CDK14: variants seen among roughly 807,000 people sequenced by gnomAD.
The protein encoded by CDK14 is cyclin dependent kinase 14, also known as cyclin-dependent kinase 14.
A neutral mutation model predicts 60.7 loss-of-function variants in CDK14; 34 were observed. The ratio of observed to expected loss-of-function variants is 0.56; its 90% CI spans 0.43 to 0.75. The LOEUF is 0.75. Among genes scored for constraint, CDK14 ranks in the 30% least tolerant of loss-of-function variants. The probability of loss-of-function intolerance (pLI) is 0.00; values close to 1 mark genes in which losing one functional copy is unlikely to be tolerated. For synonymous variants in CDK14, 197 were observed against 203.7 expected, an observed-to-expected ratio of 0.97 and a Z score of 0.28; for missense variants, 482 against 564.1, an observed-to-expected ratio of 0.85 and a Z score of 1.47.
intron 5 of CDK14, among the ~76,000 whole-genome samples, chr7:90,837,009 C>T (rs1416250739): frequency 6.6e-6 from 1 of 152,292 alleles, no homozygotes; most frequent in Non-Finnish European, 1.5e-5. Context: ...GTTAAGCAGC[C>T]AGTCTCCTTC....
chr7:91,184,279 T>C (rs1286121278), intron 14 of CDK14, among the ~76,000 whole-genome samples: 1 of 139,562 alleles, frequency 7.2e-6, no homozygotes, highest in Non-Finnish European at 1.5e-5. Context: ...AGTGAGATCC[T>C]CTCAAAAAAA....
At chr7:90,772,121 T>C (rs1804808708) in intron 4 of CDK14, among the ~76,000 whole-genome samples, 1 of 152,194 alleles carries the variant, frequency 6.6e-6, no homozygotes, top group Admixed American at 6.5e-5. Context: ...TAACATCTGC[T>C]AGCAGAATTC....
chr7:90,775,329 A>G (rs932155132), intron 4 of CDK14, among the ~76,000 whole-genome samples: 1 of 152,218 alleles, frequency 6.6e-6, no homozygotes, highest in South Asian at 2.1e-4. Context: ...TAGATACAGT[A>G]TGATATGTAG....
chr7:90,776,072 C>T (rs746394361), intron 4 of CDK14, among the ~76,000 whole-genome samples: 6 of 152,098 alleles, frequency 3.9e-5, no homozygotes, highest in Non-Finnish European at 8.8e-5. Context: ...TCATCAAACA[C>T]GGCCCTTCTC....
At chr7:91,060,442 T>G (rs1189271411) in intron 11 of CDK14, among the ~76,000 whole-genome samples, 1 of 152,152 alleles carries the variant, frequency 6.6e-6, no homozygotes, top group Admixed American at 6.5e-5. Flanking sequence ...ATCCTGTCAT[T>G]ATGATGTTAG....
chr7:90,738,092 C>T (rs1803194750), intron 3 of CDK14, among the ~76,000 whole-genome samples: 1 of 150,890 alleles, frequency 6.6e-6, no homozygotes, highest in Admixed American at 6.6e-5. Flanking sequence ...AATATTTCCT[C>T]TATGTGGGTG....
intron 10 of CDK14, among the ~76,000 whole-genome samples, chr7:91,005,350 C>T (rs1471877113): frequency 1.3e-5 from 2 of 152,200 alleles, no homozygotes; most frequent in African/African-American, 4.8e-5. Flanking sequence ...GTCCCTCCAG[C>T]ACCATCTACG....
chr7:90,784,655 C>T (rs1805492947), intron 4 of CDK14, among the ~76,000 whole-genome samples: 2 of 152,242 alleles, frequency 1.3e-5, no homozygotes, highest in African/African-American at 2.4e-5. Context: ...GGTGTAATTA[C>T]TGACAGTTTA....
chr7:91,170,791 C>T (rs1470253743), intron 14 of CDK14, among the ~76,000 whole-genome samples: 1 of 134,152 alleles, frequency 7.5e-6, no homozygotes, highest in African/African-American at 2.9e-5. Context: ...TTTTGAGACA[C>T]AGTCTCACTC....
chr7:90,918,010 A>G (rs910413844), intron 8 of CDK14, among the ~76,000 whole-genome samples: 6 of 152,206 alleles, frequency 3.9e-5, no homozygotes, highest in African/African-American at 1.4e-4. Context: ...TTTTGAACAT[A>G]AAATATATGC....
chr7:91,087,083 A>G (rs1183290195), intron 12 of CDK14, among the ~76,000 whole-genome samples: 1 of 152,096 alleles, frequency 6.6e-6, no homozygotes, highest in Non-Finnish European at 1.5e-5. Flanking sequence ...CACCATCCCT[A>G]GCTAAGAAAG....
Position 91,045,976 on chromosome 7 carries a change from T to C in CDK14, c.1105+16T>C. The C allele has an allele frequency of 6.5e-7, 1 of 1,526,754 alleles. No individual in the cohort carries two copies. The highest frequency in any genetic ancestry group is 9.1e-7 in the Non-Finnish European group (1 of 1,100,548). 94.6% of individuals were successfully genotyped at this position (1,526,754 alleles called of 1,614,324 possible). ...TTTAAGCCAGGTATGTTTCATTAATTACAGATGACTAGGTGCTTCCTATAT... is the reference window on the plus strand; with the variant it reads ...TTTAAGCCAGGTATGTTTCATTAATCACAGATGACTAGGTGCTTCCTATAT... On this transcript the variant is annotated intron_variant, in intron 11 of 14. Coordinates refer to ENST00000380050, the MANE Select transcript of CDK14 (RefSeq NM_001287135.2).
intron 14 of CDK14, among the ~76,000 whole-genome samples, chr7:91,125,520 C>T (rs1461075461): frequency 6.6e-6 from 1 of 152,076 alleles, no homozygotes; most frequent in Non-Finnish European, 1.5e-5. Flanking sequence ...GCTGCTTTCT[C>T]TGCTAACCAA....
At chr7:90,767,724 A>G (rs962135038) in intron 4 of CDK14, among the ~76,000 whole-genome samples, 4 of 152,190 alleles carry the variant, frequency 2.6e-5, no homozygotes. Flanking sequence ...CAACCCTTTT[A>G]TTCTTCTCAC....
chr7:91,088,567 A>ATG (rs765227793), intron 12 of CDK14, among the ~76,000 whole-genome samples: 2 of 140,988 alleles, frequency 1.4e-5, no homozygotes, highest in Non-Finnish European at 3.0e-5. Context: ...GAGTTTATAT[A>ATG]TATGTGTGTG....
At chr7:91,006,347 C>T (rs1057325032) in intron 10 of CDK14, among the ~76,000 whole-genome samples, 2 of 152,150 alleles carry the variant, frequency 1.3e-5, no homozygotes, top group African/African-American at 4.8e-5. Context: ...TTTTCAGAAA[C>T]CAATTCTGGC....
At chr7:91,195,424 A>T (rs1386487076) in intron 14 of CDK14, among the ~76,000 whole-genome samples, 2 of 152,220 alleles carry the variant, frequency 1.3e-5, no homozygotes, top group East Asian at 3.8e-4. Flanking sequence ...AAATAGAGAC[A>T]TGAGTGAACA....
intron 10 of CDK14, among the ~76,000 whole-genome samples, chr7:91,015,682 C>T (rs1419131391): frequency 6.6e-6 from 1 of 151,672 alleles, no homozygotes; most frequent in Non-Finnish European, 1.5e-5. Flanking sequence ...CACCCGCCAC[C>T]ATGCCCGGCT....
At chr7:91,146,253 T>G (rs933282721) in intron 14 of CDK14, among the ~76,000 whole-genome samples, 2 of 152,152 alleles carry the variant, frequency 1.3e-5, no homozygotes, top group African/African-American at 4.8e-5. Context: ...CAGGCTGGAG[T>G]GCAATAGCGC....
Sources: allele counts gnomAD v4.1 joint callset (sites outside exome capture counted in the v4.1 genomes callset), GRCh38; gene constraint gnomAD v4.1.1; transcripts MANE v1.5; gene names NCBI Gene and HGNC (gene_info 2026-07-23, HGNC 2026-07-21).